The following HPSE2 variants were observed in gnomAD, a reference collection of about 807,000 sequenced individuals.
HPSE2 encodes heparanase 2 (inactive).
HPSE2 carries 38 observed loss-of-function variants against 60.5 expected under a neutral mutation model. That is an observed-to-expected ratio of 0.63 (90% confidence interval 0.48 to 0.82). The LOEUF (loss-of-function observed/expected upper bound fraction) is 0.82, where lower values mean the gene tolerates loss of function less well. Ranked by LOEUF, HPSE2 falls within the 40% of genes least tolerant of loss-of-function variation. The probability of loss-of-function intolerance (pLI) is 0.00; values close to 1 mark genes in which losing one functional copy is unlikely to be tolerated. For synonymous variants in HPSE2, 295 were observed against 293.2 expected (o/e 1.01, Z -0.06); for missense variants, 713 against 740.4 (o/e 0.96, Z 0.43).
At chr10:99,167,390 TAA>T (rs978254365) in intron 2 of HPSE2, among the ~76,000 whole-genome samples, 3 of 152,358 alleles carry the variant, frequency 2.0e-5, no homozygotes, top group African/African-American at 7.2e-5. Flanking sequence ...AGAAGTTTTA[TAA>T]GTGTTGTGTT....
intron 3 of HPSE2, among the ~76,000 whole-genome samples, chr10:98,848,273 C>T (rs930094360): frequency 7.2e-5 from 11 of 152,078 alleles, no homozygotes; most frequent in Non-Finnish European, 1.5e-4. Flanking sequence ...CCAAAATTAT[C>T]CAGGCATGGT....
intron 9 of HPSE2, among the ~76,000 whole-genome samples, chr10:98,499,188 G>A (rs893013370): frequency 6.6e-6 from 1 of 152,118 alleles, no homozygotes; most frequent in African/African-American, 2.4e-5. Context: ...TCATCACCTA[G>A]GCATATTGTC....
the HPSE2 span, among the ~76,000 whole-genome samples, chr10:99,305,967 GCGCGCGCGCGCGCACA>G: frequency 3.7e-5 from 2 of 54,550 alleles, no homozygotes; most frequent in East Asian, 9.9e-4. Context: ...ACACACGCGC[GCGCGCGCGCGCGCACA>G]CACACACACA....
chr10:99,130,130 G>A (rs1845325502), intron 3 of HPSE2, among the ~76,000 whole-genome samples: 2 of 151,856 alleles, frequency 1.3e-5, no homozygotes, highest in African/African-American at 4.8e-5. Flanking sequence ...GATTGAAATG[G>A]TAATTTAAAA....
At chr10:98,482,949 C>A (rs1314138846) in intron 10 of HPSE2, among the ~76,000 whole-genome samples, 167 bp from the exon 11 acceptor site, 1 of 152,104 alleles carries the variant, frequency 6.6e-6, no homozygotes, top group Non-Finnish European at 1.5e-5. Flanking sequence ...ATTGTGGTTT[C>A]TTGCAAAGAT....
At chr10:98,769,781 G>A (rs1950202704) in intron 3 of HPSE2, among the ~76,000 whole-genome samples, 1 of 152,172 alleles carries the variant, frequency 6.6e-6, no homozygotes, top group Non-Finnish European at 1.5e-5. Context: ...CATGGTCCTT[G>A]CTTTCAAGGA....
intron 6 of HPSE2, among the ~76,000 whole-genome samples, chr10:98,648,600 C>T (rs866742496): frequency 2.0e-5 from 3 of 151,868 alleles, no homozygotes; most frequent in Middle Eastern, 3.4e-3. Context: ...GGCAACATAG[C>T]GAGACCCTCG....
At chr10:99,082,099 T>C (rs180956557) in intron 3 of HPSE2, among the ~76,000 whole-genome samples, 2 of 152,246 alleles carry the variant, frequency 1.3e-5, no homozygotes, top group East Asian at 3.9e-4. Flanking sequence ...TAATCTGTCA[T>C]TTACAGTCTA....
intron 9 of HPSE2, among the ~76,000 whole-genome samples, chr10:98,603,289 A>G (rs1037694196): frequency 2.6e-5 from 4 of 152,146 alleles, no homozygotes; most frequent in African/African-American, 9.7e-5. Context: ...GGACTCAGTC[A>G]TTGGGAAAAC....
At chr10:99,308,186 A>G in the HPSE2 span, among the ~76,000 whole-genome samples, 7 of 151,818 alleles carry the variant, frequency 4.6e-5, no homozygotes, top group African/African-American at 1.7e-4. Context: ...TCAGGAGTTC[A>G]AGATTAGCCT....
chr10:98,874,027 G>T (rs1204115812), intron 3 of HPSE2, among the ~76,000 whole-genome samples: 1 of 151,724 alleles, frequency 6.6e-6, no homozygotes, highest in African/African-American at 2.4e-5. Flanking sequence ...AAAAGTGTCT[G>T]TTCATATCCT....
At chr10:98,805,593 G>A (rs538732533) in intron 3 of HPSE2, among the ~76,000 whole-genome samples, 1 of 152,084 alleles carries the variant, frequency 6.6e-6, no homozygotes, top group African/African-American at 2.4e-5. Context: ...ATGGAAAATA[G>A]AATTTGCACT....
intron 3 of HPSE2, among the ~76,000 whole-genome samples, chr10:98,965,215 C>G (rs1338313109): frequency 6.6e-6 from 1 of 152,096 alleles, no homozygotes; most frequent in Non-Finnish European, 1.5e-5. Context: ...GTTCCAATTT[C>G]ACATCAAATT....
At chr10:98,556,436 A>C (rs1242337052) in intron 9 of HPSE2, among the ~76,000 whole-genome samples, 1 of 152,242 alleles carries the variant, frequency 6.6e-6, no homozygotes, top group African/African-American at 2.4e-5. Context: ...AATTCAAAAG[A>C]ATCTACAAAC....
chr10:98,642,216 C>T (rs990816870), intron 6 of HPSE2, among the ~76,000 whole-genome samples: 7 of 152,100 alleles, frequency 4.6e-5, no homozygotes, highest in Non-Finnish European at 8.8e-5. Context: ...GATGGAAATT[C>T]CATAATACAA....
At chr10:98,466,604 CCGTCTCA>C in intron 11 of HPSE2, among the ~76,000 whole-genome samples, 1 of 145,968 alleles carries the variant, frequency 6.9e-6, no homozygotes, top group Admixed American at 6.7e-5. Context: ...GAGTGAGACT[CCGTCTCA>C]AAAAAAAAAA....
At chr10:98,791,392 T>C (rs1166106174) in intron 3 of HPSE2, among the ~76,000 whole-genome samples, 1 of 152,142 alleles carries the variant, frequency 6.6e-6, no homozygotes, top group South Asian at 2.1e-4. Context: ...CCAGACTGCC[T>C]AATGTTGAGG....
intron 3 of HPSE2, among the ~76,000 whole-genome samples, chr10:98,837,823 G>A (rs930913021): frequency 1.4e-4 from 21 of 151,008 alleles, no homozygotes; most frequent in African/African-American, 4.4e-4. Flanking sequence ...ACAGTGAGCC[G>A]AGATCGTGCC....
chr10:98,817,938 C>G (rs1415671773), intron 3 of HPSE2, among the ~76,000 whole-genome samples: 2 of 152,164 alleles, frequency 1.3e-5, no homozygotes. Flanking sequence ...ACAGTCATCT[C>G]TCAGTATACA....
Sources: gnomAD v4.1 joint callset for allele counts (sites outside exome capture counted in the v4.1 genomes callset) on GRCh38, gnomAD v4.1.1 for gene constraint, MANE v1.5 for transcripts, NCBI Gene and HGNC (gene_info 2026-07-23, HGNC 2026-07-21) for gene names.